The following PLPPR1 variants were observed in gnomAD, a reference collection of about 807,000 sequenced individuals.
The protein encoded by PLPPR1 is phospholipid phosphatase related 1, also known as phospholipid phosphatase-related protein type 1.
PLPPR1 carries 10 observed loss-of-function variants against 33.1 expected under a neutral mutation model. The observed-to-expected ratio is 0.30, with a 90% CI of 0.19 to 0.51. The LOEUF is 0.51. Among genes scored for constraint, PLPPR1 ranks in the 20% least tolerant of loss-of-function variants. PLPPR1 has a pLI of 0.97. For synonymous variants in PLPPR1, 151 were observed against 151.0 expected, an observed-to-expected ratio of 1.00 and a Z score of 0.00; for missense variants, 304 against 408.1, an observed-to-expected ratio of 0.74 and a Z score of 2.20.
rs1009817575 is a variant in PLPPR1 at position 101,061,312 on chromosome 9, C to T, written c.-46+32210C>T. On this transcript the variant is annotated intron_variant, in intron 1 of 7. Transcript: ENST00000374874. ...TGAGGTGTTCTTCTGAGCTCTTCATCCCATTAACTTTCATTTATGATATTA... is the reference window on the plus strand; with the variant it reads ...TGAGGTGTTCTTCTGAGCTCTTCATTCCATTAACTTTCATTTATGATATTA... Among the ~76,000 whole-genome samples the T allele has an allele frequency of 2.6e-5, 4 of 151,850 alleles. No homozygotes were observed. The South Asian group carries it at 8.3e-4, about 31-fold the overall frequency.
chr9:101,071,997 A>G (rs1284581851), intron 1 of PLPPR1, among the ~76,000 whole-genome samples: 1 of 152,170 alleles, frequency 6.6e-6, no homozygotes, highest in Non-Finnish European at 1.5e-5. Flanking sequence ...TCATTTTTGA[A>G]TGGGGGTAAT....
At chr9:101,128,585 A>G (rs549046887) in intron 1 of PLPPR1, among the ~76,000 whole-genome samples, 86 of 152,166 alleles carry the variant, frequency 5.7e-4, no homozygotes, top group Non-Finnish European at 1.1e-3. Context: ...CAGGTTTAAC[A>G]TGACAGGAGG....
At chr9:101,143,340 T>A (rs1479801893) in intron 1 of PLPPR1, among the ~76,000 whole-genome samples, 2 of 152,256 alleles carry the variant, frequency 1.3e-5, no homozygotes, top group Non-Finnish European at 2.9e-5. Flanking sequence ...TCTGGGGTGG[T>A]GCTATGGGCT....
chr9:101,321,626 CCA>C (rs762451047), intron 7 of PLPPR1, among the ~76,000 whole-genome samples: 4 of 152,012 alleles, frequency 2.6e-5, no homozygotes, highest in Admixed American at 6.6e-5. Context: ...GAGTTCTTGT[CCA>C]CACAGTTTCT....
intron 1 of PLPPR1, among the ~76,000 whole-genome samples, chr9:101,053,675 AT>A: frequency 6.6e-6 from 1 of 152,328 alleles, no homozygotes; most frequent in Non-Finnish European, 1.5e-5. Flanking sequence ...AAGGATATGA[AT>A]CAATAAGTGA....
chr9:101,042,688 A>G (rs541273748), intron 1 of PLPPR1, among the ~76,000 whole-genome samples: 2 of 152,356 alleles, frequency 1.3e-5, no homozygotes, highest in East Asian at 3.9e-4. Context: ...AACTTAAGTG[A>G]TTATACTTTT....
chr9:101,110,324 A>G (rs1831040070), intron 1 of PLPPR1, among the ~76,000 whole-genome samples: 2 of 152,212 alleles, frequency 1.3e-5, no homozygotes, highest in Admixed American at 6.5e-5. Flanking sequence ...CAAGGATTAA[A>G]ATGTTGCATA....
chr9:101,036,701 CAAAAA>C (rs5899427), intron 1 of PLPPR1, among the ~76,000 whole-genome samples: 3 of 103,704 alleles, frequency 2.9e-5, no homozygotes, highest in Admixed American at 1.0e-4. Flanking sequence ...CTATTTCTGC[CAAAAA>C]AAAAAAAAAA....
At chr9:101,287,508 T>C (rs191268609) in intron 4 of PLPPR1, among the ~76,000 whole-genome samples, 1 of 152,312 alleles carries the variant, frequency 6.6e-6, no homozygotes, top group Non-Finnish European at 1.5e-5. Flanking sequence ...TAAGGTATTT[T>C]ATTTTATTTT....
At chr9:101,152,731 G>A (rs1028492160) in intron 1 of PLPPR1, among the ~76,000 whole-genome samples, 17 of 152,228 alleles carry the variant, frequency 1.1e-4, no homozygotes, top group African/African-American at 3.9e-4. Flanking sequence ...TTATTTCTGA[G>A]GGCTCTGTTC....
intron 1 of PLPPR1, among the ~76,000 whole-genome samples, chr9:101,101,641 G>C (rs767033245): frequency 6.6e-6 from 1 of 152,078 alleles, no homozygotes; most frequent in Non-Finnish European, 1.5e-5. Context: ...ATAAAAGGAT[G>C]AATGAAACGA....
chr9:101,318,104 G>A (rs188812252), intron 7 of PLPPR1, among the ~76,000 whole-genome samples: 1 of 152,344 alleles, frequency 6.6e-6, no homozygotes, highest in Admixed American at 6.5e-5. Context: ...GCCAAGGTGG[G>A]AGGATTGCTT....
chr9:101,263,422 T>A (rs1405661034), intron 2 of PLPPR1, among the ~76,000 whole-genome samples: 1 of 152,216 alleles, frequency 6.6e-6, no homozygotes, highest in Non-Finnish European at 1.5e-5. Flanking sequence ...TTTATTTCCT[T>A]CCTGCTTCCA....
intron 2 of PLPPR1, among the ~76,000 whole-genome samples, chr9:101,258,578 C>A (rs1011708331): frequency 6.6e-6 from 1 of 152,104 alleles, no homozygotes; most frequent in African/African-American, 2.4e-5. Context: ...TTGCATCTAT[C>A]CCCTGTCCCT....
chr9:101,300,657 T>G (rs1342994187), intron 4 of PLPPR1, among the ~76,000 whole-genome samples: 1 of 152,154 alleles, frequency 6.6e-6, no homozygotes, highest in Non-Finnish European at 1.5e-5. Flanking sequence ...CTTACAAACA[T>G]GGAATCACAA....
chr9:101,134,783 A>C (rs1159621415), intron 1 of PLPPR1, among the ~76,000 whole-genome samples: 1 of 152,196 alleles, frequency 6.6e-6, no homozygotes, highest in Non-Finnish European at 1.5e-5. Flanking sequence ...CTTCTAGTCC[A>C]ACAGAACAGC....
intron 2 of PLPPR1, among the ~76,000 whole-genome samples, chr9:101,231,362 GT>G (rs11320655): frequency 0.5 from 70,799 of 142,690 alleles, 19,353 homozygotes; most frequent in African/African-American, 0.77. Flanking sequence ...GAGATCGTTT[GT>G]TTTTTTTTTT....
At chr9:101,299,263 C>G (rs540451769) in intron 4 of PLPPR1, among the ~76,000 whole-genome samples, 1 of 152,266 alleles carries the variant, frequency 6.6e-6, no homozygotes, top group East Asian at 1.9e-4. Context: ...GTTTCTGGAC[C>G]ACTTAAGCAG....
intron 1 of PLPPR1, among the ~76,000 whole-genome samples, chr9:101,109,146 T>A (rs1198030983): frequency 2.7e-4 from 40 of 147,862 alleles, no homozygotes; most frequent in Admixed American, 7.4e-4. Flanking sequence ...TTTTTTTTTT[T>A]TTTTTTTTTT....
Sources: gnomAD v4.1 joint callset for allele counts (sites outside exome capture counted in the v4.1 genomes callset) on GRCh38, gnomAD v4.1.1 for gene constraint, MANE v1.5 for transcripts, NCBI Gene and HGNC (gene_info 2026-07-23, HGNC 2026-07-21) for gene names.